MYL4: variants seen among roughly 807,000 people sequenced by gnomAD.
The protein encoded by MYL4 is atrial myosin light chain 1.
In MYL4, 16 loss-of-function variants were observed where a neutral mutation model predicts 21.6. That is an observed-to-expected ratio of 0.74 (90% CI 0.50 to 1.12). MYL4 has a LOEUF of 1.12. Ranked by LOEUF, MYL4 falls within the 50% of genes most tolerant of loss-of-function variation. MYL4 has a pLI of 0.00. For synonymous variants in MYL4, 82 were observed against 95.7 expected (o/e 0.86, Z 0.83); for missense variants, 249 against 252.9 (o/e 0.98, Z 0.11).
At chr17:47,196,068 C>T (rs2064688040), upstream of MYL4, among the ~76,000 whole-genome samples, 1 of 152,172 alleles carries the variant, frequency 6.6e-6, no homozygotes, top group Non-Finnish European at 1.5e-5. Flanking sequence ...GTTGCATCTC[C>T]TCAAAATTCA....
Position 47,222,438 on chromosome 17 carries a change from TG to T in MYL4, c.548del (p.Gly183AlafsTer34). ...TGTTAGCTGGGCAAGAGGATGCCAATGGCTGCATCAATTATGAAGGTATTAA... is the reference window on the plus strand; with the variant it reads ...TGTTAGCTGGGCAAGAGGATGCCAATGCTGCATCAATTATGAAGGTATTAA... Reference protein sequence around the residue: ...QLLAGQEDANGCINYEAFVKH... With the variant: ...QLLAGQEDANXCINYEAFVKH... On this transcript the variant is annotated frameshift_variant, in exon 5 of 7. Coordinates refer to ENST00000393450, the MANE Select transcript of MYL4 (RefSeq NM_002476.2). LOFTEE classifies it high-confidence loss of function. The T allele has an allele frequency of 6.2e-7, 1 of 1,614,094 alleles. No individual in the cohort carries two copies. Among genetic ancestry groups the T allele is most frequent in the Non-Finnish European group, 8.5e-7 (1 of 1,179,988 alleles).
chr17:47,223,876 G>C (rs915615785), downstream of MYL4, among the ~76,000 whole-genome samples: 1 of 152,156 alleles, frequency 6.6e-6, no homozygotes, highest in Non-Finnish European at 1.5e-5. Flanking sequence ...AGACCCAGGA[G>C]AGCAAGCTCT....
At chr17:47,219,467 C>T (rs2064837950) in intron 2 of MYL4, among the ~76,000 whole-genome samples, 1 of 151,990 alleles carries the variant, frequency 6.6e-6, no homozygotes, top group South Asian at 2.1e-4. Context: ...TACACCAGAG[C>T]GGGATGTGTG....
upstream of MYL4, chr17:47,209,133 G>T: frequency 7.5e-6 from 4 of 534,020 alleles, no homozygotes; most frequent in Non-Finnish European, 1.0e-5. Context: ...CAATTGGCAA[G>T]AAGGGATCAG....
At chr17:47,225,770 T>C (rs1459105161), downstream of MYL4, among the ~76,000 whole-genome samples, 1 of 151,780 alleles carries the variant, frequency 6.6e-6, no homozygotes, top group Non-Finnish European at 1.5e-5. Context: ...CACTTTCTGC[T>C]CCTTTTCTTT....
intron 1 of MYL4, 57 bp downstream of exon 1, chr17:47,209,614 C>T (rs1352872383): frequency 3.7e-6 from 6 of 1,613,676 alleles, no homozygotes; most frequent in African/African-American, 1.3e-5. Context: ...AGTCCTTTTG[C>T]TCTGGAGCTT....
At chr17:47,202,168 T>C (rs1363588534) in intron 1 of MYL4, among the ~76,000 whole-genome samples, 2 of 152,102 alleles carry the variant, frequency 1.3e-5, no homozygotes, top group Admixed American at 6.6e-5. Context: ...GTATTTTTAG[T>C]AGAGAAGGGG....
intron 1 of MYL4, among the ~76,000 whole-genome samples, chr17:47,212,983 G>A (rs889913956): frequency 3.3e-5 from 5 of 152,170 alleles, no homozygotes; most frequent in Non-Finnish European, 7.4e-5. Flanking sequence ...GGGATGCGGT[G>A]TGGGAAGCCT....
At chr17:47,211,636 G>A (rs981715896) in intron 1 of MYL4, among the ~76,000 whole-genome samples, 3 of 151,996 alleles carry the variant, frequency 2.0e-5, no homozygotes, top group African/African-American at 4.8e-5. Context: ...CCTACTTTTG[G>A]CAGTCTATTC....
chr17:47,191,238 C>T, the MYL4 span, among the ~76,000 whole-genome samples: 1 of 152,108 alleles, frequency 6.6e-6, no homozygotes, highest in Non-Finnish European at 1.5e-5. Flanking sequence ...CCACAAAGGG[C>T]GTGTGCCATG....
At chr17:47,195,052 CTTTTTTTTTT>C in the MYL4 span, among the ~76,000 whole-genome samples, 122 of 113,954 alleles carry the variant, frequency 1.1e-3, 3 homozygotes, top group East Asian at 0.031. Flanking sequence ...CTTCATGGAA[CTTTTTTTTTT>C]TTTTTTTTTT....
At chr17:47,205,342 T>G (rs2064723507), upstream of MYL4, among the ~76,000 whole-genome samples, 1 of 152,056 alleles carries the variant, frequency 6.6e-6, no homozygotes, top group Admixed American at 6.6e-5. Context: ...CCTTCTTTCC[T>G]TGGCTCTGAT....
At chr17:47,199,216 G>A (rs2064700472), upstream of MYL4, among the ~76,000 whole-genome samples, 1 of 151,154 alleles carries the variant, frequency 6.6e-6, no homozygotes, top group Non-Finnish European at 1.5e-5. Flanking sequence ...ACTCCAGCCT[G>A]GGCAACAGAG....
chr17:47,222,269 C>CAAACCAGGCTTGGTTTGAAGGT (rs2064861958), intron 4 of MYL4, 111 bp from the exon 5 acceptor site: 1 of 1,082,898 alleles, frequency 9.2e-7, no homozygotes, highest in Non-Finnish European at 1.4e-6. Context: ...TGAACCACCT[C>CAAACCAGGCTTGGTTTGAAGGT]CCAGATCCAG....
chr17:47,215,186 A>T (rs969905840), intron 2 of MYL4, among the ~76,000 whole-genome samples: 41 of 152,362 alleles, frequency 2.7e-4, no homozygotes, highest in Non-Finnish European at 5.7e-4. Flanking sequence ...TACTCAGTGG[A>T]TACTCACTTG....
intron 3 of MYL4, among the ~76,000 whole-genome samples, 154 bp from the exon 4 acceptor site, chr17:47,221,528 T>C (rs192074916): frequency 2.0e-5 from 3 of 152,266 alleles, no homozygotes; most frequent in Admixed American, 2.0e-4. Context: ...AAGCTCTGTG[T>C]CCTCTAGGAG....
chr17:47,223,854 G>A (rs75229873), downstream of MYL4, among the ~76,000 whole-genome samples: 2,496 of 152,286 alleles, frequency 0.016, 29 homozygotes, highest in Non-Finnish European at 0.026. Flanking sequence ...TGGATCTAGA[G>A]ATATTGGGGT....
chr17:47,190,946 T>TCA, the MYL4 span, among the ~76,000 whole-genome samples: 1 of 152,352 alleles, frequency 6.6e-6, no homozygotes, highest in East Asian at 1.9e-4. Context: ...CAAGATGGCT[T>TCA]CACTCACATG....
intron 3 of MYL4, among the ~76,000 whole-genome samples, chr17:47,220,775 G>A (rs2064849782): frequency 6.6e-6 from 1 of 152,186 alleles, no homozygotes; most frequent in Admixed American, 6.5e-5. Flanking sequence ...TGTCATGTGT[G>A]CCAGTCAAGT....
Sources: gnomAD v4.1 joint callset for allele counts (sites outside exome capture counted in the v4.1 genomes callset) on GRCh38, gnomAD v4.1.1 for gene constraint, MANE v1.5 for transcripts, NCBI Gene and HGNC (gene_info 2026-07-23, HGNC 2026-07-21) for gene names.